The following GEMIN2 variants were observed in gnomAD, a reference collection of about 807,000 sequenced individuals.
The protein encoded by GEMIN2 is gem-associated protein 2.
Under a neutral mutation model 45.8 loss-of-function variants are expected in GEMIN2, and 37 were observed. That is an observed-to-expected ratio of 0.81 (90% CI 0.62 to 1.06). The LOEUF (loss-of-function observed/expected upper bound fraction) is 1.06. GEMIN2 is among the 50% of genes least tolerant of loss of function. GEMIN2 has a pLI of 0.00. For synonymous variants in GEMIN2, 101 were observed against 111.5 expected, an observed-to-expected ratio of 0.91 and a Z score of 0.60; for missense variants, 335 against 321.8, an observed-to-expected ratio of 1.04 and a Z score of -0.31.
At chr14:39,133,033 T>C (rs996077582) in intron 8 of GEMIN2, among the ~76,000 whole-genome samples, 1 of 144,156 alleles carries the variant, frequency 6.9e-6, no homozygotes, top group African/African-American at 2.6e-5. Context: ...TGTGTATATA[T>C]ATATATCTTT....
At chr14:39,116,115 A>T (rs1286503071) in intron 2 of GEMIN2, among the ~76,000 whole-genome samples, 1 of 151,526 alleles carries the variant, frequency 6.6e-6, no homozygotes, top group Non-Finnish European at 1.5e-5. Flanking sequence ...AGCTCATCAC[A>T]ACCTCTGCCT....
At chr14:39,133,757 G>T in intron 9 of GEMIN2, 38 bp downstream of exon 9, 2 of 1,080,104 alleles carry the variant, frequency 1.9e-6, no homozygotes, top group Non-Finnish European at 1.4e-6. Context: ...ATTTATCAGT[G>T]AGGTCAGTGA....
In GEMIN2 at chr14:39,132,062, CT is replaced by C; in HGVS notation, c.707del (p.Leu236Ter). On this transcript the variant is annotated frameshift_variant, in exon 8 of 10. Transcript: ENST00000308317. LOFTEE classifies it high-confidence loss of function. ...LARRCSEVRL[L>X]VDSKDDERVP... is the part of the protein sequence containing the mutation. ...CAAGAAGGTGCTCTGAAGTGAGGCT[CT>C]TAGTGGTAAGTTGCAACTTACTGTT... 6.7e-7 allele frequency: 1 copy of C among 1,485,614 alleles called. No homozygotes were observed. Among genetic ancestry groups the C allele is most frequent in the Non-Finnish European group, 9.4e-7 (1 of 1,063,712 alleles). The allele number at this position is 1,485,614 out of a possible 1,614,324, so 92.0% of individuals were successfully genotyped here.
chr14:39,129,934 G>GTTTTTTTTTTT (rs34165330), intron 7 of GEMIN2, among the ~76,000 whole-genome samples: 4 of 61,430 alleles, frequency 6.5e-5, no homozygotes, highest in East Asian at 5.6e-4. Flanking sequence ...AGACAAGTTT[G>GTTTTTTTTTTT]TTTTTTTTTT....
chr14:39,115,456 C>CTTTTTT (rs35142656), intron 2 of GEMIN2, among the ~76,000 whole-genome samples: 11 of 123,838 alleles, frequency 8.9e-5, no homozygotes, highest in African/African-American at 1.6e-4. Flanking sequence ...ATGTCTTACA[C>CTTTTTT]TTTTTTTTTT....
chr14:39,127,571 A>C (rs183281097), intron 6 of GEMIN2, among the ~76,000 whole-genome samples: 2,422 of 151,758 alleles, frequency 0.016, 72 homozygotes, highest in African/African-American at 0.055. Flanking sequence ...TCAAACTGAC[A>C]TCAAGTGATC....
rs1162485883 is a variant in GEMIN2, at chr14:39,123,708, A to ATTTTTTTTTT, written c.486+1186_486+1195dup. 5.3e-5 allele frequency among the ~76,000 whole-genome samples: 2 copies of ATTTTTTTTTT among 37,688 alleles called. 1 individual carries two copies. Among genetic ancestry groups the ATTTTTTTTTT allele is most frequent in the African/African-American group, 2.6e-4 (2 of 7,676 alleles). The allele number at this position is 37,688 out of a possible 152,430, so 24.7% of individuals were successfully genotyped here. A position where few individuals can be genotyped will look rare whatever the true frequency, so the allele number is the denominator to read the frequency against. On this transcript the variant is annotated intron_variant, in intron 5 of 9. Transcript: ENST00000308317. Reference sequence around the variant, plus strand: ...TAGCTATATATATATATATATATATATTTTTTTTTTTTTTTTTTTTTTTTT... The same window carrying ATTTTTTTTTT: ...TAGCTATATATATATATATATATATATTTTTTTTTTTTTTTTTTTTTTTTTTTTTTTTTTT...
In GEMIN2 at chr14:39,128,328, A is replaced by G. The variant is rs763581255; in HGVS notation, c.580A>G (p.Arg194Gly). 3.8e-6 allele frequency: 6 copies of G among 1,579,044 alleles called. No individual in the cohort carries two copies. Among genetic ancestry groups the G allele is most frequent in the Non-Finnish European group, 5.2e-6 (6 of 1,154,588 alleles). Residue 194 changes from arginine to glycine, a missense_variant, in exon 7 of 10, where the codon AGA becomes GGA. Coordinates refer to ENST00000308317, the MANE Select transcript of GEMIN2 (RefSeq NM_003616.3). ...LEYLSNWFGE[R>G]DFTPELGRWL... ...ATATCTGAGTAATTGGTTTGGAGAA[A>G]GAGACTTTACTCCAGAATTGGTAGT...
intron 7 of GEMIN2, among the ~76,000 whole-genome samples, chr14:39,130,547 G>A (rs183408370): frequency 6.8e-4 from 103 of 152,180 alleles, no homozygotes; most frequent in African/African-American, 2.4e-3. Context: ...ACAAGGGAAT[G>A]TTATTAAATA....
At chr14:39,131,153 C>T (rs1431466432) in intron 7 of GEMIN2, among the ~76,000 whole-genome samples, 1 of 151,474 alleles carries the variant, frequency 6.6e-6, no homozygotes, top group Non-Finnish European at 1.5e-5. Context: ...CAAAATTAGC[C>T]GGGTGTGGTG....
At chr14:39,118,815 C>G (rs2052543289) in intron 4 of GEMIN2, among the ~76,000 whole-genome samples, 1 of 142,854 alleles carries the variant, frequency 7.0e-6, no homozygotes, top group Non-Finnish European at 1.5e-5. Flanking sequence ...CAGGGTCTTG[C>G]TCTGTCTCCC....
chr14:39,123,701 TA>T (rs1566532825), intron 5 of GEMIN2, among the ~76,000 whole-genome samples: 9 of 51,810 alleles, frequency 1.7e-4, no homozygotes, highest in Non-Finnish European at 3.4e-4. Flanking sequence ...TATATATATA[TA>T]TATATATTTT....
At position 39,118,558 on chromosome 14, in the gene GEMIN2, A is replaced by C; in HGVS notation, c.331A>C (p.Ser111Arg). The C allele has an allele frequency of 6.7e-7, 1 of 1,496,482 alleles. No homozygotes were observed. Among genetic ancestry groups the C allele is most frequent in the South Asian group, 1.1e-5 (1 of 88,614 alleles). 92.7% of individuals were successfully genotyped at this position (1,496,482 alleles called of 1,614,324 possible). The change falls in exon 4 of 10, where the codon AGT becomes CGT. Residue 111 changes from serine to arginine, a missense_variant. Ser to Arg is a moderately radical substitution (Grantham distance 110). Coordinates refer to ENST00000308317, the MANE Select transcript of GEMIN2 (RefSeq NM_003616.3). ...TVRQNVNKHR[S>R]HWKSQQLDSN... is the part of the protein sequence containing the mutation. ...CCTTTAGAATGTGAACAAACATAGA[A>C]GTCACTGGAAATCACAACAGTTGGA...
chr14:39,128,346 T>C lies in GEMIN2; in HGVS notation c.598T>C (p.Leu200=), dbSNP rs138966312. 170 of 1,528,794 alleles carry C rather than the reference T, an allele frequency of 1.1e-4. No individual in the cohort carries two copies. The African/African-American group carries it at 2.0e-3, about 18-fold the overall frequency. The allele number at this position is 1,528,794 out of a possible 1,614,324, so 94.7% of individuals were successfully genotyped here. ...WFGERDFTPE[L]GRWLYALLAC... ...TGGAGAAAGAGACTTTACTCCAGAA[T>C]TGGTAGTATTGCATGTTTTTCTTTT... Residue 200 remains leucine (L), a splice_region_variant and synonymous_variant, in exon 7 of 10, where the codon TTG becomes CTG. Coordinates refer to ENST00000308317, the MANE Select transcript of GEMIN2 (RefSeq NM_003616.3).
rs2052480254 is a variant in GEMIN2 at position 39,114,824 on chromosome 14, T to G, written c.138-5T>G. ...TAATTTATCGCGTTTATTACTTATT[T>G]GTAGGATCGAAGCAGCTCAATGTCC... On this transcript the variant is annotated splice_polypyrimidine_tract_variant and splice_region_variant and intron_variant, in intron 1 of 9. Transcript: ENST00000308317. The G allele has an allele frequency of 6.7e-7, 1 of 1,483,004 alleles. No homozygotes were observed. The highest frequency in any genetic ancestry group is 1.7e-5 in the Admixed American group (1 of 59,380). 91.9% of individuals were successfully genotyped at this position (1,483,004 alleles called of 1,614,324 possible).
chr14:39,121,736 A>G (rs576929939), intron 4 of GEMIN2, among the ~76,000 whole-genome samples: 1 of 152,226 alleles, frequency 6.6e-6, no homozygotes, highest in South Asian at 2.1e-4. Context: ...TTTTTGAGGC[A>G]GAGTTTCGCT....
chr14:39,117,186 T>G (rs887137245), intron 2 of GEMIN2, among the ~76,000 whole-genome samples: 5 of 150,814 alleles, frequency 3.3e-5, no homozygotes. Context: ...GCAGGAGAAT[T>G]GCTTGAACCC....
intron 9 of GEMIN2, 151 bp from the exon 10 acceptor site, chr14:39,136,289 G>T: frequency 8.8e-6 from 5 of 567,564 alleles, no homozygotes; most frequent in African/African-American, 1.9e-5. Context: ...TCTTTTTATG[G>T]CTTCATAATT....
chr14:39,122,224 C>T (rs2052581630), intron 4 of GEMIN2, among the ~76,000 whole-genome samples: 1 of 152,018 alleles, frequency 6.6e-6, no homozygotes, highest in South Asian at 2.1e-4. Flanking sequence ...CTTTAAAGGC[C>T]CTGTCTCCAA....
Sources: allele counts gnomAD v4.1 joint callset (sites outside exome capture counted in the v4.1 genomes callset), GRCh38; gene constraint gnomAD v4.1.1; transcripts MANE v1.5; gene names NCBI Gene and HGNC (gene_info 2026-07-23, HGNC 2026-07-21).